Variants in CSMD2 observed in about 807,000 individuals in gnomAD.
CSMD2 encodes the protein CUB and Sushi multiple domains 2, also known as CUB and sushi domain-containing protein 2.
In CSMD2, 130 loss-of-function variants were observed where a neutral mutation model predicts 398.5. The ratio of observed to expected loss-of-function variants is 0.33; its 90% CI spans 0.28 to 0.38. The LOEUF (loss-of-function observed/expected upper bound fraction) is 0.38. Among genes scored for constraint, CSMD2 ranks in the 10% least tolerant of loss-of-function variants. CSMD2 has a pLI of 1.00. For synonymous variants in CSMD2, 1,828 were observed against 1,908.5 expected (o/e 0.96, Z 1.10); for missense variants, 3,829 against 4,764.9 (o/e 0.80, Z 5.78).
At chr1:34,003,493 G>T (rs1361062184) in intron 3 of CSMD2, among the ~76,000 whole-genome samples, 1 of 152,154 alleles carries the variant, frequency 6.6e-6, no homozygotes, top group Non-Finnish European at 1.5e-5. Context: ...GATCCCTAAT[G>T]GGTAATAATA....
chr1:33,567,653 T>C lies in CSMD2; in HGVS notation c.8320A>G (p.Met2774Val), dbSNP rs1659177921. ...QCNAGFRLIG[M>V]SVRICQQDHH... ...TCCTGCTGGCAGATGCGCACAGACA[T>C]GCCGATCAGGCGGAAGCCAGCATTG... is the stretch of plus-strand genomic sequence containing the variant. The change falls in exon 53 of 71, where the codon ATG becomes GTG. Residue 2774 changes from methionine to valine, a missense_variant. Around this residue, in one of 5 missense-constraint regions of CSMD2, gnomAD observed 917 missense variants for 1,199.5 expected, o/e 0.76. Coordinates refer to ENST00000373381, the MANE Select transcript of CSMD2 (RefSeq NM_001281956.2). The C allele has an allele frequency of 6.2e-7, 1 of 1,613,970 alleles. No homozygotes were observed. The highest frequency in any genetic ancestry group is 1.3e-5 in the African/African-American group (1 of 74,894).
At chr1:33,941,217 T>G (rs1466134910) in intron 3 of CSMD2, among the ~76,000 whole-genome samples, 1 of 152,242 alleles carries the variant, frequency 6.6e-6, no homozygotes, top group Non-Finnish European at 1.5e-5. Flanking sequence ...CTCTTGCCAA[T>G]CAACGTAATA....
At chr1:33,986,355 G>A (rs1402620842) in intron 3 of CSMD2, among the ~76,000 whole-genome samples, 2 of 152,190 alleles carry the variant, frequency 1.3e-5, no homozygotes, top group Non-Finnish European at 2.9e-5. Flanking sequence ...GGCAGGGGAA[G>A]GGAAGGGAAG....
intron 3 of CSMD2, among the ~76,000 whole-genome samples, chr1:34,009,468 T>G (rs181872781): frequency 1.6e-4 from 25 of 152,108 alleles, no homozygotes; most frequent in Non-Finnish European, 3.2e-4. Flanking sequence ...TTTACCCTGC[T>G]GACACCACTC....
intron 1 of CSMD2, among the ~76,000 whole-genome samples, chr1:34,118,512 C>T (rs747642049): frequency 2.1e-4 from 32 of 152,092 alleles, no homozygotes; most frequent in Admixed American, 3.3e-4. Flanking sequence ...GGATTCCACA[C>T]GTACATACAA....
intron 15 of CSMD2, among the ~76,000 whole-genome samples, chr1:33,734,434 G>C (rs1646818322): frequency 6.6e-6 from 1 of 152,126 alleles, no homozygotes; most frequent in African/African-American, 2.4e-5. Flanking sequence ...ATAGCTCACT[G>C]CAGCCTCTAA....
chr1:33,543,673 A>T (rs1188741128), intron 57 of CSMD2, among the ~76,000 whole-genome samples: 1 of 152,214 alleles, frequency 6.6e-6, no homozygotes, highest in Non-Finnish European at 1.5e-5. Context: ...TCATTATTTC[A>T]TTAGGGATTG....
intron 44 of CSMD2, chr1:33,599,966 G>A (rs1640102500): frequency 3.3e-6 from 2 of 598,456 alleles, no homozygotes; most frequent in East Asian, 5.6e-5. Context: ...GCGGAGGCTG[G>A]GTTCTGTTTC....
intron 10 of CSMD2, among the ~76,000 whole-genome samples, chr1:33,799,370 G>T (rs892730873): frequency 1.3e-5 from 2 of 152,164 alleles, no homozygotes; most frequent in Non-Finnish European, 2.9e-5. Context: ...TTCCATAAAG[G>T]TACTCCAGGG....
At chr1:33,714,872 C>A in intron 20 of CSMD2, 97 bp from the exon 21 acceptor site, 1 of 1,194,228 alleles carries the variant, frequency 8.4e-7, no homozygotes, top group Non-Finnish European at 1.2e-6. Flanking sequence ...GGGGAAAGGG[C>A]CAGGGACAAC....
chr1:34,012,622 A>G (rs1362071371), intron 3 of CSMD2, among the ~76,000 whole-genome samples: 1 of 152,084 alleles, frequency 6.6e-6, no homozygotes, highest in East Asian at 1.9e-4. Context: ...TTGTAATTTT[A>G]TTAAAGACAG....
intron 26 of CSMD2, among the ~76,000 whole-genome samples, chr1:33,661,584 T>C (rs1477631603): frequency 6.6e-6 from 1 of 152,234 alleles, no homozygotes; most frequent in African/African-American, 2.4e-5. Context: ...AACTTCTTTT[T>C]TCTTGCAATA....
At chr1:34,093,312 A>G (rs927819437) in intron 1 of CSMD2, among the ~76,000 whole-genome samples, 12 of 152,180 alleles carry the variant, frequency 7.9e-5, no homozygotes, top group African/African-American at 2.9e-4. Context: ...TGGGGAAAAA[A>G]CAGAACAGAA....
At position 33,847,348 on chromosome 1, in the gene CSMD2, T is replaced by C. The variant is rs550079088; in HGVS notation, c.921-352A>G. On this transcript the variant is annotated intron_variant, in intron 5 of 70. Transcript: ENST00000373381. ...GAATATATTCACCTGTAACGCTTTCTCCTGCCCATCCATGTCCCCCAAGAT... is the reference window on the plus strand; with the variant it reads ...GAATATATTCACCTGTAACGCTTTCCCCTGCCCATCCATGTCCCCCAAGAT... 1.1e-4 allele frequency among the ~76,000 whole-genome samples: 17 copies of C among 151,860 alleles called. 1 individual carries two copies. In the South Asian group the frequency reaches 3.5e-3, roughly 32 times the overall value.
chr1:33,804,615 A>C, intron 10 of CSMD2: 2 of 693,594 alleles, frequency 2.9e-6, no homozygotes. Flanking sequence ...GGCAGAGGCC[A>C]TATCTACATC....
At chr1:34,138,385 C>A (rs1638959485) in intron 1 of CSMD2, among the ~76,000 whole-genome samples, 1 of 152,196 alleles carries the variant, frequency 6.6e-6, no homozygotes, top group Non-Finnish European at 1.5e-5. Context: ...TCAAATCCTG[C>A]TACACCACTT....
At chr1:34,022,988 T>TGC (rs1199567822) in intron 3 of CSMD2, among the ~76,000 whole-genome samples, 4 of 152,144 alleles carry the variant, frequency 2.6e-5, no homozygotes, top group African/African-American at 9.7e-5. Flanking sequence ...CATACCACCA[T>TGC]GCCTAGCTAA....
In CSMD2 at chr1:33,958,072, C is replaced by A. The variant is rs553329071; in HGVS notation, c.518-22118G>T. Among the ~76,000 whole-genome samples, 28 of 152,226 alleles carry A rather than the reference C, an allele frequency of 1.8e-4. No homozygotes were observed. In the South Asian group the frequency reaches 5.4e-3, roughly 29 times the overall value. Reference sequence around the variant, plus strand: ...TTCATGCAGGGTTTCCATGGCAACGCTTTATGAAACAGCAAGGCGAACTTT... The same window carrying A: ...TTCATGCAGGGTTTCCATGGCAACGATTTATGAAACAGCAAGGCGAACTTT... On this transcript the variant is annotated intron_variant, in intron 3 of 70. Transcript: ENST00000373381.
chr1:33,693,174 T>C, intron 24 of CSMD2, 118 bp from the exon 25 acceptor site: 1 of 1,203,950 alleles, frequency 8.3e-7, no homozygotes, highest in Non-Finnish European at 1.1e-6. Flanking sequence ...TCATTTCAAG[T>C]GATTGAGCAC....
Sources: gnomAD v4.1 joint callset for allele counts (sites outside exome capture counted in the v4.1 genomes callset) on GRCh38, gnomAD v4.1.1 for gene constraint, gnomAD v4.1.1 regional missense constraint, MANE v1.5 for transcripts, NCBI Gene and HGNC (gene_info 2026-07-23, HGNC 2026-07-21) for gene names.